Variants in ERBB4 observed in about 807,000 individuals in gnomAD.
ERBB4 encodes the protein erb-b2 receptor tyrosine kinase 4.
A neutral mutation model predicts 158.0 loss-of-function variants in ERBB4; 42 were observed. The ratio of observed to expected loss-of-function variants is 0.27; its 90% confidence interval spans 0.21 to 0.34. The LOEUF (loss-of-function observed/expected upper bound fraction) is 0.34, where lower values mean the gene tolerates loss of function less well. Among genes scored for constraint, ERBB4 ranks in the 10% least tolerant of loss-of-function variants. ERBB4 has a pLI of 1.00. For synonymous variants in ERBB4, 583 were observed against 558.7 expected, an observed-to-expected ratio of 1.04 and a Z score of -0.61; for missense variants, 1,333 against 1,624.1, an observed-to-expected ratio of 0.82 and a Z score of 3.08.
intron 19 of ERBB4, among the ~76,000 whole-genome samples, chr2:211,578,613 C>T (rs1357384676): frequency 6.6e-6 from 1 of 152,022 alleles, no homozygotes; most frequent in Non-Finnish European, 1.5e-5. Context: ...GACACATAGA[C>T]CAATGGAACA....
At chr2:211,773,596 CT>C (rs2075770472) in intron 4 of ERBB4, among the ~76,000 whole-genome samples, 2 of 33,948 alleles carry the variant, frequency 5.9e-5, no homozygotes, top group Non-Finnish European at 1.1e-4. Context: ...ACTTCTGTAA[CT>C]TTATATATAT....
chr2:212,187,060 A>G (rs2082035135), intron 1 of ERBB4, among the ~76,000 whole-genome samples: 2 of 152,156 alleles, frequency 1.3e-5, no homozygotes, highest in South Asian at 4.1e-4. Flanking sequence ...CATATTGCTC[A>G]GAGGCCGAAC....
At chr2:211,858,122 C>T (rs2077917733) in intron 3 of ERBB4, among the ~76,000 whole-genome samples, 2 of 152,074 alleles carry the variant, frequency 1.3e-5, no homozygotes, top group African/African-American at 4.8e-5. Flanking sequence ...GGAAATAAGA[C>T]TGAAGGAGGT....
chr2:212,483,857 C>T (rs1177894012), intron 1 of ERBB4, among the ~76,000 whole-genome samples: 1 of 152,176 alleles, frequency 6.6e-6, no homozygotes, highest in Non-Finnish European at 1.5e-5. Flanking sequence ...CTGCCTCAGC[C>T]TCCCGAGTAG....
At chr2:212,418,872 C>T (rs1300711329) in intron 1 of ERBB4, among the ~76,000 whole-genome samples, 1 of 151,838 alleles carries the variant, frequency 6.6e-6, no homozygotes, top group Admixed American at 6.6e-5. Context: ...TTTAACCATT[C>T]ATTAGATCCC....
intron 13 of ERBB4, among the ~76,000 whole-genome samples, chr2:211,678,591 G>T (rs923534496): frequency 6.6e-6 from 1 of 152,000 alleles, no homozygotes; most frequent in Non-Finnish European, 1.5e-5. Context: ...AAAAGAATTC[G>T]TCTATGTGTT....
intron 3 of ERBB4, among the ~76,000 whole-genome samples, chr2:211,842,268 A>G (rs2077487848): frequency 6.6e-6 from 1 of 151,502 alleles, no homozygotes; most frequent in Non-Finnish European, 1.5e-5. Flanking sequence ...TTTTTTTGGT[A>G]GTAATTTCTG....
At chr2:211,645,661 T>C (rs542127845) in intron 16 of ERBB4, among the ~76,000 whole-genome samples, 5 of 151,800 alleles carry the variant, frequency 3.3e-5, no homozygotes, top group African/African-American at 9.6e-5. Flanking sequence ...TTGGCAACTT[T>C]TGGTGAAAAA....
At chr2:211,757,513 C>A (rs2075311763) in intron 4 of ERBB4, among the ~76,000 whole-genome samples, 1 of 152,174 alleles carries the variant, frequency 6.6e-6, no homozygotes, top group Non-Finnish European at 1.5e-5. Context: ...TTCATTCAAG[C>A]AATTTATAGT....
chr2:211,984,435 T>A (rs556376080), intron 2 of ERBB4, among the ~76,000 whole-genome samples: 7 of 152,336 alleles, frequency 4.6e-5, no homozygotes, highest in African/African-American at 1.7e-4. Flanking sequence ...TACAGTATTA[T>A]AATAAGCCAT....
At chr2:211,631,633 T>C (rs746133052) in intron 16 of ERBB4, among the ~76,000 whole-genome samples, 16 of 152,176 alleles carry the variant, frequency 1.1e-4, no homozygotes, top group Non-Finnish European at 2.4e-4. Flanking sequence ...ACAGTAGTAG[T>C]TGTGATTTTT....
At chr2:211,939,071 C>T (rs2080411015) in intron 3 of ERBB4, among the ~76,000 whole-genome samples, 1 of 152,142 alleles carries the variant, frequency 6.6e-6, no homozygotes, top group African/African-American at 2.4e-5. Flanking sequence ...TTATTGTCAA[C>T]TTACCATTCA....
At position 211,622,700 on chromosome 2, in the gene ERBB4, T is replaced by A. The variant is rs368447206; in HGVS notation, c.2202+1222A>T. On this transcript the variant is annotated intron_variant, in intron 18 of 27. Transcript: ENST00000342788. ...TTAAATGCCAGCCGGGCATGGTGGC[T>A]CATGCCTCTAATCCTAGCACTTTGG... Among the ~76,000 whole-genome samples the A allele has an allele frequency of 4.0e-5, 6 of 151,730 alleles. No homozygotes were observed. In the South Asian group the frequency reaches 6.2e-4, roughly 16 times the overall value.
chr2:212,243,824 A>G (rs1221069485), intron 1 of ERBB4, among the ~76,000 whole-genome samples: 3 of 152,162 alleles, frequency 2.0e-5, no homozygotes, highest in Non-Finnish European at 4.4e-5. Context: ...AAAAAGAAGA[A>G]GAAAAAATTA....
At chr2:212,128,579 A>T (rs565701835) in intron 1 of ERBB4, among the ~76,000 whole-genome samples, 2 of 152,374 alleles carry the variant, frequency 1.3e-5, no homozygotes, top group African/African-American at 4.8e-5. Flanking sequence ...TCATATTATC[A>T]ATACCATCAA....
intron 20 of ERBB4, among the ~76,000 whole-genome samples, chr2:211,517,543 A>T (rs1304462134): frequency 6.6e-6 from 1 of 152,136 alleles, no homozygotes; most frequent in African/African-American, 2.4e-5. Flanking sequence ...TAATGGTGAG[A>T]TAGCTTTTTT....
At chr2:211,837,472 T>A (rs1192201825) in intron 3 of ERBB4, among the ~76,000 whole-genome samples, 1 of 152,192 alleles carries the variant, frequency 6.6e-6, no homozygotes, top group Middle Eastern at 3.4e-3. Flanking sequence ...AGGAAAAATT[T>A]ATAGGCAAGG....
intron 1 of ERBB4, among the ~76,000 whole-genome samples, chr2:212,412,648 C>T (rs1038546243): frequency 1.3e-5 from 2 of 152,142 alleles, no homozygotes; most frequent in Non-Finnish European, 2.9e-5. Context: ...CAGCCTAACA[C>T]CAACATATCT....
chr2:212,138,306 TAG>T (rs2125598741), intron 1 of ERBB4, among the ~76,000 whole-genome samples: 1 of 152,186 alleles, frequency 6.6e-6, no homozygotes, highest in Admixed American at 6.5e-5. Context: ...GGCATAACAG[TAG>T]TCAATGATGT....
Sources: gnomAD v4.1 joint callset for allele counts (sites outside exome capture counted in the v4.1 genomes callset) on GRCh38, gnomAD v4.1.1 for gene constraint, MANE v1.5 for transcripts, NCBI Gene and HGNC (gene_info 2026-07-23, HGNC 2026-07-21) for gene names.